The following MCM9 variants were observed in gnomAD, a reference collection of about 807,000 sequenced individuals.
The protein encoded by MCM9 is minichromosome maintenance 9 homologous recombination repair factor.
Under a neutral mutation model 72.8 loss-of-function variants are expected in MCM9, and 55 were observed. The observed-to-expected ratio is 0.76, with a 90% CI of 0.61 to 0.95. The LOEUF (loss-of-function observed/expected upper bound fraction) is 0.95, where lower values mean the gene tolerates loss of function less well. Among genes scored for constraint, MCM9 ranks in the 40% least tolerant of loss-of-function variants. MCM9 has a pLI of 0.00. For synonymous variants in MCM9, 480 were observed against 503.4 expected, an observed-to-expected ratio of 0.95 and a Z score of 0.62; for missense variants, 1,279 against 1,377.0, an observed-to-expected ratio of 0.93 and a Z score of 1.13.
intron 9 of MCM9, among the ~76,000 whole-genome samples, chr6:118,855,166 C>T (rs1046175328): frequency 7.2e-5 from 11 of 152,228 alleles, no homozygotes; most frequent in Middle Eastern, 3.4e-3. Context: ...GCACAAAAAG[C>T]TCATTAAATG....
intron 9 of MCM9, among the ~76,000 whole-genome samples, chr6:118,851,740 A>G (rs1422544688): frequency 6.7e-6 from 1 of 149,350 alleles, no homozygotes; most frequent in Non-Finnish European, 1.5e-5. Flanking sequence ...GGAGGTATTA[A>G]ATTCTAGATA....
rs539983503 is a variant in MCM9, at chr6:118,827,914, G to A, written c.1732+13C>T. 9 of 1,550,492 alleles carry A rather than the reference G, an allele frequency of 5.8e-6. No individual in the cohort carries two copies. In the East Asian group the frequency reaches 2.0e-4, roughly 34 times the overall value. ...GCATTCAATACAAGCATCATTCGCTGAATGAAATAGACCTTCTGCTAATCG... is the reference window on the plus strand; with the variant it reads ...GCATTCAATACAAGCATCATTCGCTAAATGAAATAGACCTTCTGCTAATCG... On this transcript the variant is annotated intron_variant, in intron 11 of 13. Transcript: ENST00000619706.
chr6:118,845,678 A>G (rs1180132760), intron 9 of MCM9, among the ~76,000 whole-genome samples: 1 of 151,854 alleles, frequency 6.6e-6, no homozygotes, highest in African/African-American at 2.4e-5. Context: ...CATAGTCTAC[A>G]ATAAACCATC....
At chr6:118,918,123 C>T (rs1781114330) in intron 5 of MCM9, 1 of 214,600 alleles carries the variant, frequency 4.7e-6, no homozygotes, top group Non-Finnish European at 9.3e-6. Flanking sequence ...CCATTTAGCT[C>T]TCATTTAGAG....
intron 1 of MCM9, among the ~76,000 whole-genome samples, chr6:118,934,177 G>A (rs1244411673): frequency 1.3e-5 from 2 of 152,082 alleles, no homozygotes; most frequent in Non-Finnish European, 2.9e-5. Flanking sequence ...TGGTTATATG[G>A]ACCATCGTTA....
In MCM9 at chr6:118,911,877, G is replaced by A. The variant is rs1780581548; in HGVS notation, c.1031-108C>T. 2.9e-5 allele frequency: 22 copies of A among 746,810 alleles called. 1 individual carries two copies. Among genetic ancestry groups the A allele is most frequent in the Middle Eastern group, 3.0e-4 (1 of 3,366 alleles). The allele number at this position is 746,810 out of a possible 1,614,324, so 46.3% of individuals were successfully genotyped here. On this transcript the variant is annotated intron_variant, in intron 7 of 13. Coordinates refer to ENST00000619706, the MANE Select transcript of MCM9 (RefSeq NM_017696.3). ...TTACTGTGTACTTTTACATAGGGTC[G>A]TTTGAGAAAGGATTTAACTAGAAAA...
intron 8 of MCM9, chr6:118,907,605 C>A (rs371152823): frequency 6.2e-7 from 1 of 1,607,790 alleles, no homozygotes; most frequent in Non-Finnish European, 8.5e-7. Flanking sequence ...CCCACATGGA[C>A]TGCATGTGAC....
chr6:118,917,434 T>G, intron 6 of MCM9, 127 bp downstream of exon 6: 1 of 915,058 alleles, frequency 1.1e-6, no homozygotes, highest in Admixed American at 2.3e-5. Context: ...AGGTAATGAC[T>G]AATCCTACCC....
At chr6:118,832,876 A>G (rs994028062) in intron 9 of MCM9, among the ~76,000 whole-genome samples, 5 of 152,198 alleles carry the variant, frequency 3.3e-5, no homozygotes, top group Non-Finnish European at 5.9e-5. Context: ...ACCAGGTGCT[A>G]TATGTTCACC....
At chr6:118,920,767 T>C (rs978116567) in intron 5 of MCM9, 1 of 152,306 alleles carries the variant, frequency 6.6e-6, no homozygotes, top group African/African-American at 2.4e-5. Context: ...GCTGAGCCTA[T>C]GTCTGCACCA....
intron 8 of MCM9, among the ~76,000 whole-genome samples, chr6:118,862,139 G>C (rs1776944614): frequency 6.6e-6 from 1 of 152,332 alleles, no homozygotes; most frequent in Non-Finnish European, 1.5e-5. Flanking sequence ...AAAGGCCAGG[G>C]AGCAGGAAAA....
intron 9 of MCM9, among the ~76,000 whole-genome samples, chr6:118,847,400 G>A (rs1274977532): frequency 1.6e-5 from 2 of 126,030 alleles, no homozygotes; most frequent in Admixed American, 9.8e-5. Context: ...TAACAAACAT[G>A]CTCATGTGCC....
At chr6:118,882,757 C>T (rs1474944545) in intron 8 of MCM9, among the ~76,000 whole-genome samples, 1 of 151,986 alleles carries the variant, frequency 6.6e-6, no homozygotes, top group Non-Finnish European at 1.5e-5. Flanking sequence ...GTAACATCAG[C>T]GACTTCACAC....
chr6:118,894,033 C>T (rs1308097109), intron 8 of MCM9: 23 of 995,052 alleles, frequency 2.3e-5, no homozygotes, highest in Non-Finnish European at 2.8e-5. Context: ...TCACTTTGTT[C>T]TCCGCCTTTG....
Position 118,828,150 on chromosome 6 carries a change from G to A in MCM9, c.1529-20C>T. ...GGTAACCTGTATGTATCAGGTGTTG[G>A]GTCAGTAAGTTCTTAGGACAGGCAA... On this transcript the variant is annotated intron_variant, in intron 10 of 13. Transcript: ENST00000619706. 2 of 1,535,832 alleles carry A rather than the reference G, an allele frequency of 1.3e-6. No individual in the cohort carries two copies. The highest frequency in any genetic ancestry group is 1.8e-6 in the Non-Finnish European group (2 of 1,135,190).
intron 8 of MCM9, chr6:118,909,097 T>A (rs1381707432): frequency 6.6e-6 from 1 of 152,188 alleles, no homozygotes; most frequent in Non-Finnish European, 1.5e-5. Flanking sequence ...AAAGAAAATC[T>A]CATTTGTCTA....
chr6:118,917,469 C>T (rs1035226734), intron 6 of MCM9, 92 bp downstream of exon 6: 12 of 1,208,538 alleles, frequency 9.9e-6, no homozygotes, highest in Admixed American at 5.4e-5. Context: ...TTGAGTTATG[C>T]GGCATATAAG....
chr6:118,934,539 C>G (rs928727125), intron 1 of MCM9: 1 of 151,550 alleles, frequency 6.6e-6, no homozygotes, highest in Non-Finnish European at 1.5e-5. Flanking sequence ...CGCGGGCTGG[C>G]GGGACGCGCG....
At chr6:118,889,725 A>T (rs1173881416) in intron 8 of MCM9, among the ~76,000 whole-genome samples, 1 of 152,230 alleles carries the variant, frequency 6.6e-6, no homozygotes, top group Admixed American at 6.5e-5. Context: ...CAAAAACAAC[A>T]TAATGATATA....
Sources: allele counts gnomAD v4.1 joint callset (sites outside exome capture counted in the v4.1 genomes callset), GRCh38; gene constraint gnomAD v4.1.1; transcripts MANE v1.5; gene names NCBI Gene and HGNC (gene_info 2026-07-23, HGNC 2026-07-21).